The following RHPN2 variants were observed in gnomAD, a reference collection of about 807,000 sequenced individuals.
The protein encoded by RHPN2 is rhophilin Rho GTPase binding protein 2, also known as rhophilin-2.
RHPN2 carries 40 observed loss-of-function variants against 79.0 expected under a neutral mutation model. The ratio of observed to expected loss-of-function variants is 0.51; its 90% confidence interval spans 0.39 to 0.66. The LOEUF is 0.66. Among genes scored for constraint, RHPN2 ranks in the 30% least tolerant of loss-of-function variants. The pLI, the probability that RHPN2 is intolerant of heterozygous loss-of-function variation, is 0.00. For synonymous variants in RHPN2, 285 were observed against 363.5 expected, an observed-to-expected ratio of 0.78 and a Z score of 2.46; for missense variants, 686 against 883.5, an observed-to-expected ratio of 0.78 and a Z score of 2.83.
rs529264642 is a variant in RHPN2, at chr19:33,051,095, G to A, written c.70-6731C>T. On this transcript the variant is annotated intron_variant, in intron 1 of 14. Transcript: ENST00000254260. Reference sequence around the variant, plus strand: ...CAACCTCCGCCTCCTGGACTCAAGCGATTCTCCTGTCTCAGCCTCCTGAGT... The same window carrying A: ...CAACCTCCGCCTCCTGGACTCAAGCAATTCTCCTGTCTCAGCCTCCTGAGT... Among the ~76,000 whole-genome samples, 19 of 152,234 alleles carry A rather than the reference G, an allele frequency of 1.2e-4. 1 individual carries two copies. Among genetic ancestry groups the A allele is most frequent in the African/African-American group, 3.6e-4 (15 of 41,540 alleles).
intron 2 of RHPN2, chr19:33,026,946 T>A (rs1158349767): frequency 2.8e-6 from 1 of 353,578 alleles, no homozygotes; most frequent in African/African-American, 2.1e-5. Context: ...TACCATAAGA[T>A]ACCCACTTGA....
At chr19:33,013,618 C>A (rs1971854834) in intron 4 of RHPN2, among the ~76,000 whole-genome samples, 1 of 152,056 alleles carries the variant, frequency 6.6e-6, no homozygotes, top group African/African-American at 2.4e-5. Flanking sequence ...TTTGTGAAGA[C>A]CAGGCAGGTA....
At chr19:33,064,041 T>C (rs1972305063) in intron 1 of RHPN2, among the ~76,000 whole-genome samples, 2 of 152,108 alleles carry the variant, frequency 1.3e-5, no homozygotes, top group Non-Finnish European at 2.9e-5. Context: ...GGAAGCATTT[T>C]GGAGGCAAAA....
rs143341741 is a variant in RHPN2, at chr19:33,019,203, G to A, written c.390+2368C>T. Among the ~76,000 whole-genome samples, 417 of 152,142 alleles carry A rather than the reference G, an allele frequency of 2.7e-3. 4 individuals are homozygous for A. Among genetic ancestry groups the A allele is most frequent in the African/African-American group, 9.5e-3 (393 of 41,516 alleles). ...CTCATGCCTATAATCCCAGCACTTT[G>A]GGAGGCCAAGGCAGGAGGACTGCTT... On this transcript the variant is annotated intron_variant, in intron 4 of 14. Transcript: ENST00000254260.
chr19:33,034,026 T>TTTTTTTTTTTTATTTTAG lies in RHPN2; in HGVS notation c.186-7395_186-7394insCTAAAATAAAAAAAAAAA, dbSNP rs1555713552. ...TCCCCCCTCCCATCTTGGCAAAACATTTTTTTTTTTAATAGAGTCAGGGGT... is the reference window on the plus strand; with the variant it reads ...TCCCCCCTCCCATCTTGGCAAAACATTTTTTTTTTTTATTTTAGTTTTTTTTTTAATAGAGTCAGGGGT... On this transcript the variant is annotated intron_variant, in intron 2 of 14. Transcript: ENST00000254260. Among the ~76,000 whole-genome samples, 11 of 138,242 alleles carry TTTTTTTTTTTTATTTTAG rather than the reference T, an allele frequency of 8.0e-5. No homozygotes were observed. In the South Asian group the frequency reaches 2.4e-3, roughly 30 times the overall value. The allele number at this position is 138,242 out of a possible 152,430, so 90.7% of individuals were successfully genotyped here.
Position 33,034,605 on chromosome 19 carries a change from C to A in RHPN2, c.186-7973G>T, listed in dbSNP as rs796807253. 6.7e-3 allele frequency among the ~76,000 whole-genome samples: 642 copies of A among 95,626 alleles called. 8 individuals carry two copies. The highest frequency in any genetic ancestry group is 0.02 in the African/African-American group (423 of 21,594). The allele number at this position is 95,626 out of a possible 152,430, so 62.7% of individuals were successfully genotyped here. A position where few individuals can be genotyped will look rare whatever the true frequency, so the allele number is the denominator to read the frequency against. On this transcript the variant is annotated intron_variant, in intron 2 of 14. Transcript: ENST00000254260. ...TGGGTGACAGAGCGAGACTCCGTCTCAAAAAAAAAAAAAAAAAATACAAAA... is the reference window on the plus strand; with the variant it reads ...TGGGTGACAGAGCGAGACTCCGTCTAAAAAAAAAAAAAAAAAAATACAAAA...
chr19:32,983,644 T>C (rs1971594602), intron 14 of RHPN2, among the ~76,000 whole-genome samples: 1 of 149,824 alleles, frequency 6.7e-6, no homozygotes, highest in Non-Finnish European at 1.5e-5. Context: ...TTTTTTTTTT[T>C]TTTTGAGACG....
Position 33,008,249 on chromosome 19 carries a change from T to TC in RHPN2, c.594-70dup, listed in dbSNP as rs1599815931. 6 of 1,435,572 alleles carry TC rather than the reference T, an allele frequency of 4.2e-6. No homozygotes were observed. The East Asian group carries it at 1.5e-4, about 35-fold the overall frequency. 88.9% of individuals were successfully genotyped at this position (1,435,572 alleles called of 1,614,324 possible). The stretch of plus-strand genomic sequence containing the variant: ...AGTTAATGCTACAAGTGGAAAAAAT[T>TC]CTTTTTTTTTTTTTTTTTAAGAGTC... On this transcript the variant is annotated intron_variant, in intron 6 of 14. Transcript: ENST00000254260.
intron 14 of RHPN2, among the ~76,000 whole-genome samples, chr19:32,986,793 C>CAA (rs200201106): frequency 7.8e-5 from 7 of 90,232 alleles, no homozygotes; most frequent in Admixed American, 2.5e-4. Flanking sequence ...GACTCTGTCT[C>CAA]AAAAAAAAAA....
intron 2 of RHPN2, among the ~76,000 whole-genome samples, chr19:33,027,889 C>T (rs1381467974): frequency 1.3e-5 from 2 of 152,038 alleles, no homozygotes; most frequent in African/African-American, 4.8e-5. Context: ...TACAAAAACC[C>T]ACAGTTAACA....
At chr19:33,055,407 G>A (rs1972223753) in intron 1 of RHPN2, among the ~76,000 whole-genome samples, 1 of 151,498 alleles carries the variant, frequency 6.6e-6, no homozygotes, top group African/African-American at 2.4e-5. Flanking sequence ...GGAATCAGGA[G>A]TGGGGTCAGC....
Position 32,979,553 on chromosome 19 carries a change from T to A in RHPN2, c.*443A>T, listed in dbSNP as rs1971556729. ...ACAGTTTTTAGTGACACTAATTTAA[T>A]TCTATCATTACAGTCCTCTGACCTG... On this transcript the variant is annotated 3_prime_UTR_variant, in exon 15 of 15. Transcript: ENST00000254260. The A allele has an allele frequency of 6.1e-6, 1 of 162,706 alleles. No individual in the cohort carries two copies. Among genetic ancestry groups the A allele is most frequent in the Middle Eastern group, 3.0e-3 (1 of 336 alleles). The allele number at this position is 162,706 out of a possible 1,614,324, so 10.1% of individuals were successfully genotyped here.
At chr19:33,018,198 G>A (rs749563834) in intron 4 of RHPN2, among the ~76,000 whole-genome samples, 8 of 151,896 alleles carry the variant, frequency 5.3e-5, no homozygotes, top group Non-Finnish European at 8.8e-5. Context: ...CCATAGTGGT[G>A]CATGCCTGTA....
chr19:33,037,023 G>A (rs1345469328), intron 2 of RHPN2, among the ~76,000 whole-genome samples: 1 of 152,238 alleles, frequency 6.6e-6, no homozygotes, highest in Non-Finnish European at 1.5e-5. Context: ...CTCCACCTGC[G>A]GCCCTGGTGT....
chr19:33,054,393 T>A (rs1030149551), intron 1 of RHPN2, among the ~76,000 whole-genome samples: 4 of 151,542 alleles, frequency 2.6e-5, no homozygotes, highest in Non-Finnish European at 4.4e-5. Context: ...AGGAACAGGG[T>A]TTCACCATGT....
chr19:33,021,521 C>T (rs1438794904), intron 4 of RHPN2, 50 bp downstream of exon 4: 27 of 1,462,786 alleles, frequency 1.8e-5, no homozygotes, highest in East Asian at 6.8e-5. Context: ...TGCAAATGGC[C>T]TATTTCCATT....
Position 33,064,836 on chromosome 19 carries a change from A to C in RHPN2, c.17T>G (p.Leu6Trp). 5.8e-6 allele frequency: 8 copies of C among 1,372,042 alleles called. No individual in the cohort carries two copies. Among genetic ancestry groups the C allele is most frequent in the Non-Finnish European group, 7.6e-6 (8 of 1,049,204 alleles). The allele number at this position is 1,372,042 out of a possible 1,614,324, so 85.0% of individuals were successfully genotyped here. MTDAL[L>W]PAAPQPLEKE... ...CTCCAGCGGCTGGGGGGCCGCGGGC[A>C]ACAGCGCGTCGGTCATGCTAGCGGC... Residue 6 changes from leucine to tryptophan, a missense_variant, in exon 1 of 15, where the codon TTG becomes TGG. Physicochemically the swap from Leu to Trp is moderately conservative, Grantham distance 61. Coordinates refer to ENST00000254260, the MANE Select transcript of RHPN2 (RefSeq NM_033103.5).
intron 2 of RHPN2, among the ~76,000 whole-genome samples, chr19:33,030,696 G>A (rs574725917): frequency 1.3e-5 from 2 of 152,308 alleles, no homozygotes; most frequent in South Asian, 2.1e-4. Context: ...AGTCATAGGC[G>A]TGATCCACTC....
At chr19:32,987,414 T>A (rs577156556) in intron 14 of RHPN2, among the ~76,000 whole-genome samples, 128 of 152,324 alleles carry the variant, frequency 8.4e-4, no homozygotes, top group Middle Eastern at 3.4e-3. Flanking sequence ...CTCAACTGAC[T>A]TCTGCTGCCA....
Sources: allele counts gnomAD v4.1 joint callset (sites outside exome capture counted in the v4.1 genomes callset), GRCh38; gene constraint gnomAD v4.1.1; transcripts MANE v1.5; gene names NCBI Gene and HGNC (gene_info 2026-07-23, HGNC 2026-07-21).